DAB2IP: variants seen among roughly 807,000 people sequenced by gnomAD.
DAB2IP encodes disabled homolog 2-interacting protein.
DAB2IP carries 28 observed loss-of-function variants against 107.2 expected under a neutral mutation model. The observed-to-expected ratio is 0.26, with a 90% confidence interval of 0.19 to 0.36. The LOEUF (loss-of-function observed/expected upper bound fraction) is 0.36. DAB2IP is among the 10% of genes least tolerant of loss of function. DAB2IP has a pLI of 1.00. For missense variants in DAB2IP, 1,400 were observed against 1,644.7 expected, an observed-to-expected ratio of 0.85 and a Z score of 2.57; for synonymous variants, 755 against 706.4, an observed-to-expected ratio of 1.07 and a Z score of -1.09.
chr9:121,716,445 A>T (rs1830608253), intron 3 of DAB2IP, among the ~76,000 whole-genome samples: 1 of 152,210 alleles, frequency 6.6e-6, no homozygotes, highest in Non-Finnish European at 1.5e-5. Flanking sequence ...GCGAAATATA[A>T]ACTGCAGCCC....
chr9:121,781,637 A>T, intron 15 of DAB2IP, 86 bp downstream of exon 15: 2 of 1,347,216 alleles, frequency 1.5e-6, no homozygotes, highest in East Asian at 2.3e-5. Context: ...CCTCAGTCAT[A>T]CCTCACTGCA....
chr9:121,751,910 C>G (rs911135858), intron 3 of DAB2IP: 5 of 985,218 alleles, frequency 5.1e-6, no homozygotes, highest in Non-Finnish European at 6.0e-6. Flanking sequence ...CTTGGCTGTC[C>G]CGTGTGTGAC....
At chr9:121,659,376 T>G (rs1257288269) in intron 1 of DAB2IP, among the ~76,000 whole-genome samples, 1 of 152,194 alleles carries the variant, frequency 6.6e-6, no homozygotes, top group African/African-American at 2.4e-5. Context: ...ATAAATGCTG[T>G]GTGACTGCAG....
intron 1 of DAB2IP, among the ~76,000 whole-genome samples, chr9:121,654,454 G>GT (rs998397635): frequency 1.4e-4 from 22 of 151,858 alleles, no homozygotes; most frequent in Middle Eastern, 6.8e-3. Context: ...TTGTTTGTTT[G>GT]TTTTTTTAAA....
At chr9:121,586,474 C>T (rs1830316021) in intron 1 of DAB2IP, among the ~76,000 whole-genome samples, 1 of 152,084 alleles carries the variant, frequency 6.6e-6, no homozygotes, top group African/African-American at 2.4e-5. Flanking sequence ...AGACTGGGTC[C>T]AAAATGGGCC....
chr9:121,700,318 G>C (rs1307708932), intron 3 of DAB2IP, among the ~76,000 whole-genome samples: 1 of 152,214 alleles, frequency 6.6e-6, no homozygotes, highest in African/African-American at 2.4e-5. Context: ...CTGTCCTCCA[G>C]GGGGCACTGG....
chr9:121,582,861 C>T (rs1333178979), intron 1 of DAB2IP, among the ~76,000 whole-genome samples: 1 of 152,226 alleles, frequency 6.6e-6, no homozygotes, highest in Non-Finnish European at 1.5e-5. Context: ...GCCTTCCCAG[C>T]CCCTGTGAAT....
At chr9:121,783,417 A>T (rs984041007) in exon 16 of DAB2IP, 41 of 1,600,634 alleles carry the variant, frequency 2.6e-5, no homozygotes, top group Middle Eastern at 2.0e-4. Context: ...AGGGAGTGCC[A>T]CCTGGTGCTC....
At chr9:121,683,027 G>A (rs1171465159) in intron 2 of DAB2IP, among the ~76,000 whole-genome samples, 2 of 152,160 alleles carry the variant, frequency 1.3e-5, no homozygotes, top group Non-Finnish European at 2.9e-5. Context: ...TCAGCTCTCA[G>A]GCTCCTGAGA....
In DAB2IP at chr9:121,727,618, A is replaced by G. The variant is rs189072572; in HGVS notation, c.362+28160A>G. Among the ~76,000 whole-genome samples the G allele has an allele frequency of 3.5e-3, 533 of 152,304 alleles. 2 individuals carry two copies. Among genetic ancestry groups the G allele is most frequent in the African/African-American group, 0.012 (506 of 41,572 alleles). ...AGAAAGAGACTGGGCCCTCCTCTCCACCACTCTGTGACCTCATCTCTCTGA... is the reference window on the plus strand; with the variant it reads ...AGAAAGAGACTGGGCCCTCCTCTCCGCCACTCTGTGACCTCATCTCTCTGA... On this transcript the variant is annotated intron_variant, in intron 3 of 15. Transcript: ENST00000408936.
At chr9:121,711,857 A>G (rs1246486571) in intron 3 of DAB2IP, among the ~76,000 whole-genome samples, 1 of 151,894 alleles carries the variant, frequency 6.6e-6, no homozygotes, top group Non-Finnish European at 1.5e-5. Flanking sequence ...GTAGGGGTTT[A>G]TTCCCCTTTT....
At chr9:121,636,703 T>C (rs912268117) in intron 1 of DAB2IP, among the ~76,000 whole-genome samples, 7 of 152,304 alleles carry the variant, frequency 4.6e-5, no homozygotes, top group Admixed American at 1.3e-4. Flanking sequence ...GATCCCCACA[T>C]TGTTCTGAAC....
Position 121,599,574 on chromosome 9 carries a change from G to A in DAB2IP, c.40+32346G>A, listed in dbSNP as rs1038475979. ...CGCCGGGGGAGGCGCGGAGCCGGCCGTAGCGCGCTCCTGCCTGGCCAGCCG... is the reference window on the plus strand; with the variant it reads ...CGCCGGGGGAGGCGCGGAGCCGGCCATAGCGCGCTCCTGCCTGGCCAGCCG... On this transcript the variant is annotated intron_variant, in intron 1 of 16. Coordinates refer to the DAB2IP transcript ENST00000259371. This position sits in a 1 kb window ranked among gnomAD's most constrained non-coding sequence, Gnocchi z 6.9. 6.6e-6 allele frequency among the ~76,000 whole-genome samples: 1 copy of A among 151,934 alleles called. No homozygotes were observed. Among genetic ancestry groups the A allele is most frequent in the Non-Finnish European group, 1.5e-5 (1 of 67,910 alleles).
intron 3 of DAB2IP, among the ~76,000 whole-genome samples, chr9:121,740,515 G>A (rs946551527): frequency 1.3e-5 from 2 of 152,318 alleles, no homozygotes; most frequent in Admixed American, 1.3e-4. Context: ...TATTTCTCTG[G>A]AAGGCTCCTT....
chr9:121,579,830 A>G (rs1830150409), intron 1 of DAB2IP, among the ~76,000 whole-genome samples: 1 of 152,246 alleles, frequency 6.6e-6, no homozygotes, highest in Non-Finnish European at 1.5e-5. Flanking sequence ...TTTGCAAGCT[A>G]TAAAGCGCTC....
At chr9:121,598,366 CGG>C in intron 1 of DAB2IP, 1 of 56,754 alleles carries the variant, frequency 1.8e-5, no homozygotes, top group African/African-American at 6.3e-5. Context: ...GATTCTGAGC[CGG>C]GACGGCTCAA....
rs561553701 is a variant in DAB2IP, at chr9:121,662,389, A to G, written c.124+10490A>G. 3.9e-5 allele frequency among the ~76,000 whole-genome samples: 6 copies of G among 152,326 alleles called. No homozygotes were observed. In the South Asian group the frequency reaches 6.2e-4, roughly 16 times the overall value. On this transcript the variant is annotated intron_variant, in intron 1 of 15. Transcript: ENST00000408936. The surrounding 1 kb of genome is among the most constrained non-coding windows in gnomAD (Gnocchi z 4.6). ...CTTGTGAGCCAAGAATAGTTTTTAC[A>G]TTTTTAAAGGGTTGGAACAAAAAGT...
At chr9:121,762,993 C>T (rs941475171) in intron 6 of DAB2IP, among the ~76,000 whole-genome samples, 3 of 152,196 alleles carry the variant, frequency 2.0e-5, no homozygotes, top group Non-Finnish European at 4.4e-5. Context: ...TGGTGGCTCA[C>T]GACCTCCCCG....
At chr9:121,666,909 CACACACAA>C (rs1225820358) in intron 1 of DAB2IP, among the ~76,000 whole-genome samples, 29 of 131,524 alleles carry the variant, frequency 2.2e-4, no homozygotes, top group Admixed American at 3.1e-4. Flanking sequence ...CACACACACA[CACACACAA>C]CACTCTTAAA....
Sources: gnomAD v4.1 joint callset for allele counts (sites outside exome capture counted in the v4.1 genomes callset) on GRCh38, gnomAD v4.1.1 for gene constraint, Gnocchi (gnomAD v3.1) non-coding constraint, MANE v1.5 for transcripts, NCBI Gene and HGNC (gene_info 2026-07-23, HGNC 2026-07-21) for gene names.